FAM227B: variants seen among roughly 807,000 people sequenced by gnomAD.
FAM227B encodes the protein family with sequence similarity 227 member B, also known as protein FAM227B.
FAM227B carries 88 observed loss-of-function variants against 73.8 expected under a neutral mutation model. That is an observed-to-expected ratio of 1.19 (90% CI 1.00 to 1.42). The LOEUF (loss-of-function observed/expected upper bound fraction) is 1.42. Ranked by LOEUF, FAM227B falls within the 40% of genes most tolerant of loss-of-function variation. The pLI is 0.00. For missense variants in FAM227B, 632 were observed against 590.9 expected (o/e 1.07, Z -0.72); for synonymous variants, 210 against 190.5 (o/e 1.10, Z -0.84).
At chr15:49,583,863 G>C (rs1004095272) in intron 5 of FAM227B, among the ~76,000 whole-genome samples, 1 of 152,068 alleles carries the variant, frequency 6.6e-6, no homozygotes, top group African/African-American at 2.4e-5. Flanking sequence ...AATTGAATCA[G>C]TAATAAATAG....
intron 8 of FAM227B, among the ~76,000 whole-genome samples, chr15:49,572,945 C>A (rs540058621): frequency 5.3e-5 from 8 of 150,456 alleles, no homozygotes; most frequent in African/African-American, 1.9e-4. Flanking sequence ...TCTCTCTGAT[C>A]TTTATTATTT....
At chr15:49,355,917 G>A (rs2043079480) in intron 13 of FAM227B, among the ~76,000 whole-genome samples, 2 of 152,060 alleles carry the variant, frequency 1.3e-5, no homozygotes, top group East Asian at 3.9e-4. Context: ...CAAGCCAGAA[G>A]AGAGTGGGGG....
intron 11 of FAM227B, among the ~76,000 whole-genome samples, chr15:49,408,777 T>C (rs763693530): frequency 2.0e-5 from 3 of 152,028 alleles, no homozygotes; most frequent in Non-Finnish European, 4.4e-5. Flanking sequence ...TTTAAAATAA[T>C]GCAATATAAT....
chr15:49,527,725 C>A (rs1345936334), intron 10 of FAM227B, among the ~76,000 whole-genome samples: 1 of 151,572 alleles, frequency 6.6e-6, no homozygotes, highest in Non-Finnish European at 1.5e-5. Flanking sequence ...AAGCTAAAAC[C>A]AAACCAAAAC....
At chr15:49,495,887 G>T (rs576701996) in intron 11 of FAM227B, among the ~76,000 whole-genome samples, 1 of 152,030 alleles carries the variant, frequency 6.6e-6, no homozygotes, top group Non-Finnish European at 1.5e-5. Flanking sequence ...GCTGAGTGTC[G>T]TGGTGCATGC....
chr15:49,541,689 A>G lies in FAM227B; in HGVS notation c.865T>C (p.Trp289Arg). ...AATGATATATTCATACCTGAACACC[A>G]AAGAAAAATGTTATTCCCTAGATCT... is the stretch of plus-strand genomic sequence containing the variant. ...KEDLGNNIFL[W>R]CSGLKPQKGF... Residue 289 changes from tryptophan to arginine, a missense_variant, in exon 10 of 16, where the codon TGG becomes CGG. Trp to Arg is a moderately radical substitution (Grantham distance 101). Coordinates refer to ENST00000299338, the MANE Select transcript of FAM227B (RefSeq NM_152647.3). 1 of 1,505,460 alleles carries G rather than the reference A, an allele frequency of 6.6e-7. No homozygotes were observed. Among genetic ancestry groups the G allele is most frequent in the Non-Finnish European group, 8.8e-7 (1 of 1,130,704 alleles). The allele number at this position is 1,505,460 out of a possible 1,614,324, so 93.3% of individuals were successfully genotyped here. A position where few individuals can be genotyped will look rare whatever the true frequency, so the allele number is the denominator to read the frequency against.
At chr15:49,499,107 A>T (rs1471426580) in intron 11 of FAM227B, among the ~76,000 whole-genome samples, 1 of 137,678 alleles carries the variant, frequency 7.3e-6, no homozygotes, top group Non-Finnish European at 1.5e-5. Flanking sequence ...CGGAGCTTGC[A>T]GTGAGCCGAG....
intron 10 of FAM227B, among the ~76,000 whole-genome samples, chr15:49,512,285 T>C (rs1166548375): frequency 2.0e-5 from 3 of 152,144 alleles, no homozygotes; most frequent in African/African-American, 4.8e-5. Context: ...TTTATAAATA[T>C]TTTGTGTTTG....
At chr15:49,553,744 A>C (rs556896134) in intron 9 of FAM227B, among the ~76,000 whole-genome samples, 5 of 152,316 alleles carry the variant, frequency 3.3e-5, no homozygotes, top group Admixed American at 2.6e-4. Flanking sequence ...ACAGGCTCTT[A>C]AATCAGCTCT....
At chr15:49,433,171 G>T (rs1024293050) in intron 11 of FAM227B, among the ~76,000 whole-genome samples, 2 of 151,392 alleles carry the variant, frequency 1.3e-5, no homozygotes, top group Non-Finnish European at 3.0e-5. Context: ...AATTATTTGA[G>T]ATTTTCAATA....
intron 13 of FAM227B, 137 bp downstream of exon 13, chr15:49,367,311 T>A: frequency 2.8e-6 from 2 of 724,854 alleles, no homozygotes; most frequent in South Asian, 3.5e-5. Flanking sequence ...GTTTTAAGCA[T>A]AAGTAAATAT....
intron 11 of FAM227B, among the ~76,000 whole-genome samples, chr15:49,458,988 G>A (rs8026236): frequency 0.32 from 49,333 of 151,904 alleles, 8,734 homozygotes; most frequent in African/African-American, 0.45. Context: ...AAAGCAATTC[G>A]TTTGATTGTC....
At chr15:49,596,229 C>T (rs1430733719) in intron 3 of FAM227B, among the ~76,000 whole-genome samples, 1 of 151,886 alleles carries the variant, frequency 6.6e-6, no homozygotes, top group African/African-American at 2.4e-5. Flanking sequence ...ATCAGGTAAC[C>T]TATAGAGGAA....
chr15:49,612,852 A>G (rs1319345343), intron 2 of FAM227B, among the ~76,000 whole-genome samples: 1 of 152,234 alleles, frequency 6.6e-6, no homozygotes, highest in African/African-American at 2.4e-5. Flanking sequence ...TAAATATATG[A>G]TGAATATAAG....
chr15:49,608,008 C>G (rs536104655), intron 3 of FAM227B, among the ~76,000 whole-genome samples: 1 of 152,228 alleles, frequency 6.6e-6, no homozygotes, highest in South Asian at 2.1e-4. Context: ...AGTCAACTAG[C>G]AGCTAACAGG....
chr15:49,610,182 A>G (rs529431232), intron 3 of FAM227B, among the ~76,000 whole-genome samples: 44 of 152,110 alleles, frequency 2.9e-4, no homozygotes, highest in African/African-American at 1.1e-3. Context: ...ATAATAATAC[A>G]GTCTCCATTA....
chr15:49,361,372 C>G (rs906365564), intron 13 of FAM227B, among the ~76,000 whole-genome samples: 3 of 151,544 alleles, frequency 2.0e-5, no homozygotes, highest in Non-Finnish European at 4.4e-5. Flanking sequence ...ACCCAGTAGG[C>G]AGTTTTTTGA....
chr15:49,336,637 CTAAG>C (rs1407594067), intron 13 of FAM227B, among the ~76,000 whole-genome samples: 3 of 152,124 alleles, frequency 2.0e-5, no homozygotes, highest in Non-Finnish European at 4.4e-5. Flanking sequence ...TTATTTTTCA[CTAAG>C]TATTTTATTC....
intron 13 of FAM227B, among the ~76,000 whole-genome samples, chr15:49,346,193 T>G (rs2041479583): frequency 6.6e-6 from 1 of 152,106 alleles, no homozygotes; most frequent in Non-Finnish European, 1.5e-5. Flanking sequence ...TTGGGCCAGC[T>G]CCTGTCCAAT....
Sources: gnomAD v4.1 joint callset for allele counts (sites outside exome capture counted in the v4.1 genomes callset) on GRCh38, gnomAD v4.1.1 for gene constraint, MANE v1.5 for transcripts, NCBI Gene and HGNC (gene_info 2026-07-23, HGNC 2026-07-21) for gene names.